Variants in C1orf105 observed in about 807,000 individuals in gnomAD.
The protein encoded by C1orf105 is uncharacterized protein C1orf105.
A neutral mutation model predicts 20.8 loss-of-function variants in C1orf105; 17 were observed. The observed-to-expected ratio is 0.82, with a 90% CI of 0.56 to 1.23. The LOEUF is 1.23. Among genes scored for constraint, C1orf105 ranks in the 50% most tolerant of loss-of-function variants. The pLI is 0.00. For synonymous variants in C1orf105, 72 were observed against 72.1 expected (o/e 1.00, Z 0.01); for missense variants, 219 against 213.5 (o/e 1.03, Z -0.16).
At chr1:172,423,557 A>C (rs2071645667) in intron 1 of C1orf105, among the ~76,000 whole-genome samples, 2 of 152,134 alleles carry the variant, frequency 1.3e-5, no homozygotes, top group Admixed American at 1.3e-4. Context: ...ACCAGACACT[A>C]ACAAGCATCC....
At chr1:172,462,266 A>G (rs760165084) in intron 5 of C1orf105, 21 bp downstream of exon 5, 6 of 1,549,726 alleles carry the variant, frequency 3.9e-6, no homozygotes, top group Non-Finnish European at 4.4e-6. Context: ...AATTTAAATC[A>G]GGACATGACT....
intron 1 of C1orf105, among the ~76,000 whole-genome samples, chr1:172,424,136 T>C (rs963316929): frequency 2.4e-4 from 37 of 152,222 alleles, no homozygotes; most frequent in African/African-American, 8.4e-4. Flanking sequence ...TCATACATTA[T>C]GTCACATCCC....
Position 172,468,619 on chromosome 1 carries a change from G to C in C1orf105, c.*25G>C. Reference sequence around the variant, plus strand: ...AGCGGTAGGAGCTCATCACCTCCCAGACTCCCAGAGAGAAAATAACCTCGC... The same window carrying C: ...AGCGGTAGGAGCTCATCACCTCCCACACTCCCAGAGAGAAAATAACCTCGC... On this transcript the variant is annotated 3_prime_UTR_variant, in exon 7 of 7. Transcript: ENST00000367727. The C allele has an allele frequency of 6.2e-7, 1 of 1,600,374 alleles. No individual in the cohort carries two copies. Among genetic ancestry groups the C allele is most frequent in the Non-Finnish European group, 8.5e-7 (1 of 1,171,978 alleles).
chr1:172,435,953 CAG>C (rs1160449594), intron 1 of C1orf105, among the ~76,000 whole-genome samples: 1 of 151,760 alleles, frequency 6.6e-6, no homozygotes, highest in Non-Finnish European at 1.5e-5. Flanking sequence ...ACACCAATAA[CAG>C]ACAGAGTCAA....
chr1:172,429,391 T>C (rs1234971271), intron 1 of C1orf105, among the ~76,000 whole-genome samples: 2 of 152,196 alleles, frequency 1.3e-5, no homozygotes, highest in African/African-American at 4.8e-5. Context: ...GACCTCAGAC[T>C]CATTAATTCA....
chr1:172,466,277 G>A (rs757867550), intron 6 of C1orf105, among the ~76,000 whole-genome samples: 4 of 152,146 alleles, frequency 2.6e-5, no homozygotes, highest in Non-Finnish European at 5.9e-5. Flanking sequence ...TGGAGTGAAA[G>A]TCTTCCAGTC....
At chr1:172,432,281 GCCT>G (rs1370968171) in intron 1 of C1orf105, among the ~76,000 whole-genome samples, 3 of 152,222 alleles carry the variant, frequency 2.0e-5, no homozygotes, top group East Asian at 3.8e-4. Context: ...TAGACAGACT[GCCT>G]CCTCAATTGG....
chr1:172,425,235 G>A (rs2071693089), intron 1 of C1orf105, among the ~76,000 whole-genome samples: 4 of 152,162 alleles, frequency 2.6e-5, no homozygotes, highest in African/African-American at 9.7e-5. Context: ...TACCTGATGG[G>A]CATAAGGAGG....
intron 1 of C1orf105, chr1:172,441,967 T>G: frequency 6.2e-7 from 1 of 1,614,178 alleles, no homozygotes; most frequent in Non-Finnish European, 8.5e-7. Flanking sequence ...TGCCTTTAGT[T>G]TCTTCTGCAA....
intron 6 of C1orf105, among the ~76,000 whole-genome samples, chr1:172,467,700 T>C (rs1650161908): frequency 6.6e-6 from 1 of 152,204 alleles, no homozygotes. Context: ...GTAACGTCTC[T>C]AGCTCTCATT....
intron 4 of C1orf105, among the ~76,000 whole-genome samples, chr1:172,457,994 A>G (rs1649420554): frequency 1.3e-5 from 2 of 152,228 alleles, no homozygotes; most frequent in African/African-American, 4.8e-5. Context: ...AGTCACTGTG[A>G]TACCCCTTCT....
At position 172,462,281 on chromosome 1, in the gene C1orf105, TC is replaced by T. The variant is rs1420254300; in HGVS notation, c.341+37del. 3 of 1,463,418 alleles carry T rather than the reference TC, an allele frequency of 2.0e-6. No homozygotes were observed. The South Asian group carries it at 3.6e-5, about 18-fold the overall frequency. The allele number at this position is 1,463,418 out of a possible 1,614,324, so 90.7% of individuals were successfully genotyped here. On this transcript the variant is annotated intron_variant, in intron 5 of 6. Transcript: ENST00000367727. The stretch of plus-strand genomic sequence containing the variant: ...AATTTAAATCAGGACATGACTTAAT[TC>T]TTGTTATGTCTGAGGACACAGGAGA...
chr1:172,464,957 C>A (rs551606565), intron 5 of C1orf105, among the ~76,000 whole-genome samples: 1 of 152,150 alleles, frequency 6.6e-6, no homozygotes, highest in Non-Finnish European at 1.5e-5. Flanking sequence ...CTGAGGCGGG[C>A]AGATCACCTG....
intron 1 of C1orf105, chr1:172,431,223 C>G (rs1390271229): frequency 2.3e-6 from 1 of 434,682 alleles, no homozygotes; most frequent in Non-Finnish European, 4.1e-6. Context: ...GGCTGAAAGC[C>G]AGGCCTCTTG....
intron 1 of C1orf105, among the ~76,000 whole-genome samples, chr1:172,422,471 A>G (rs1329765444): frequency 2.0e-5 from 3 of 152,178 alleles, no homozygotes; most frequent in Non-Finnish European, 4.4e-5. Context: ...CTGAAAAATC[A>G]GTAGCAGTAG....
rs900171132 is a variant in C1orf105, at chr1:172,425,523, G to C, written c.21+4617G>C. The stretch of plus-strand genomic sequence containing the variant: ...ACAAGCCTTCAGCTGTTTCTAATCT[G>C]CCTCTCCCCTGCAGCTGAGCCCTCT... On this transcript the variant is annotated intron_variant, in intron 1 of 6. Transcript: ENST00000367727. 2.8e-4 allele frequency among the ~76,000 whole-genome samples: 43 copies of C among 152,020 alleles called. 1 individual carries two copies. The highest frequency in any genetic ancestry group is 3.5e-4 in the Non-Finnish European group (24 of 67,996).
chr1:172,465,327 A>G lies in C1orf105; in HGVS notation c.370A>G (p.Thr124Ala), dbSNP rs1352216450. 1 of 1,613,258 alleles carries G rather than the reference A, an allele frequency of 6.2e-7. No homozygotes were observed. The highest frequency in any genetic ancestry group is 8.5e-7 in the Non-Finnish European group (1 of 1,179,240). Reference sequence around the variant, plus strand: ...GAGTCTTCATCAACCCAAATTCCAGACTACACCTGAGCCTTTCCATGATGA... The same window carrying G: ...GAGTCTTCATCAACCCAAATTCCAGGCTACACCTGAGCCTTTCCATGATGA... ...RMSLHQPKFQ[T>A]TPEPFHDDIP... Residue 124 changes from threonine (T) to alanine (A), a missense_variant, in exon 6 of 7, where the codon ACT (threonine) becomes GCT (alanine). Physicochemically the swap from Thr to Ala is moderately conservative, Grantham distance 58. Coordinates refer to ENST00000367727, the MANE Select transcript of C1orf105 (RefSeq NM_139240.4).
intron 3 of C1orf105, 48 bp from the exon 4 acceptor site, chr1:172,456,367 A>G (rs1489719990): frequency 1.3e-6 from 2 of 1,523,490 alleles, no homozygotes; most frequent in African/African-American, 1.4e-5. Context: ...TTGCTGCCCT[A>G]CATGCCCCAC....
chr1:172,451,959 G>A (rs921122223), intron 3 of C1orf105, among the ~76,000 whole-genome samples: 4 of 128,050 alleles, frequency 3.1e-5, no homozygotes, highest in African/African-American at 5.9e-5. Context: ...TGCAACCTCC[G>A]CCTCCCAGGT....
Sources: gnomAD v4.1 joint callset for allele counts (sites outside exome capture counted in the v4.1 genomes callset) on GRCh38, gnomAD v4.1.1 for gene constraint, MANE v1.5 for transcripts, NCBI Gene and HGNC (gene_info 2026-07-23, HGNC 2026-07-21) for gene names.